ATP2A2: variants seen among roughly 807,000 people sequenced by gnomAD.
The protein encoded by ATP2A2 is ATPase sarcoplasmic/endoplasmic reticulum Ca2+ transporting 2.
A neutral mutation model predicts 109.3 loss-of-function variants in ATP2A2; 14 were observed. The ratio of observed to expected loss-of-function variants is 0.13; its 90% confidence interval spans 0.08 to 0.20. ATP2A2 has a LOEUF of 0.20. Among genes scored for constraint, ATP2A2 ranks in the 10% least tolerant of loss-of-function variants. The pLI is 1.00. For synonymous variants in ATP2A2, 506 were observed against 490.9 expected, an observed-to-expected ratio of 1.03 and a Z score of -0.41; for missense variants, 657 against 1,321.6, an observed-to-expected ratio of 0.50 and a Z score of 7.80.
At chr12:110,343,853 A>G (rs920791061) in intron 16 of ATP2A2, among the ~76,000 whole-genome samples, 1 of 152,194 alleles carries the variant, frequency 6.6e-6, no homozygotes, top group African/African-American at 2.4e-5. Context: ...TATATAAATC[A>G]TCTCTTTAGC....
At chr12:110,315,807 G>A (rs1876600412) in intron 5 of ATP2A2, among the ~76,000 whole-genome samples, 1 of 152,170 alleles carries the variant, frequency 6.6e-6, no homozygotes, top group African/African-American at 2.4e-5. Context: ...CGGCCGCATC[G>A]GCACACGCCT....
chr12:110,341,223 G>A (rs1879323197), intron 14 of ATP2A2, among the ~76,000 whole-genome samples: 1 of 152,022 alleles, frequency 6.6e-6, no homozygotes, highest in Admixed American at 6.5e-5. Context: ...CAGTCCCAGA[G>A]GAACAATCTG....
In ATP2A2 at chr12:110,339,437, G is replaced by C; in HGVS notation, c.1542+34G>C. 1 of 1,614,156 alleles carries C rather than the reference G, an allele frequency of 6.2e-7. No homozygotes were observed. Among genetic ancestry groups the C allele is most frequent in the Non-Finnish European group, 8.5e-7 (1 of 1,180,026 alleles). On this transcript the variant is annotated intron_variant, in intron 12 of 19. Coordinates refer to ENST00000539276, the MANE Select transcript of ATP2A2 (RefSeq NM_170665.4). This position sits in a 1 kb window ranked among gnomAD's most constrained non-coding sequence, Gnocchi z 4.4. ...GGCAGATTGCAATTGAGATGTTCTTGCCAGGGTTAAGATCCCGGTGAACCA... is the reference window on the plus strand; with the variant it reads ...GGCAGATTGCAATTGAGATGTTCTTCCCAGGGTTAAGATCCCGGTGAACCA...
chr12:110,315,969 C>T (rs984990550), intron 5 of ATP2A2, among the ~76,000 whole-genome samples: 22 of 152,222 alleles, frequency 1.4e-4, no homozygotes, highest in Middle Eastern at 6.8e-3. Flanking sequence ...CACCTGTAAT[C>T]CCAGCTACTC....
chr12:110,346,065 A>C lies in ATP2A2; in HGVS notation c.2806A>C (p.Ile936Leu). ...GGAGAACATCTGGCTCGTGGGCTCCATCTGCCTGTCCATGTCACTCCACTT... is the reference window on the plus strand; with the variant it reads ...GGAGAACATCTGGCTCGTGGGCTCCCTCTGCCTGTCCATGTCACTCCACTT... ...PWENIWLVGSICLSMSLHFLI... is the reference protein window; with the variant it reads ...PWENIWLVGSLCLSMSLHFLI... The change falls in exon 19 of 20, where the codon ATC becomes CTC. Residue 936 changes from isoleucine (I) to leucine (L), a missense_variant. Physicochemically the swap from Ile to Leu is conservative, Grantham distance 5. Coordinates refer to ENST00000539276, the MANE Select transcript of ATP2A2 (RefSeq NM_170665.4). 6.2e-7 allele frequency: 1 copy of C among 1,614,154 alleles called. No individual in the cohort carries two copies. The highest frequency in any genetic ancestry group is 8.5e-7 in the Non-Finnish European group (1 of 1,180,018).
chr12:110,309,140 A>ATT (rs10665212), intron 5 of ATP2A2, among the ~76,000 whole-genome samples: 2,137 of 48,968 alleles, frequency 0.044, 413 homozygotes, highest in East Asian at 0.12. Context: ...AAGGAAACTA[A>ATT]TTTTTTTTTT....
chr12:110,310,556 A>T (rs1338037024), intron 5 of ATP2A2, among the ~76,000 whole-genome samples: 1 of 152,236 alleles, frequency 6.6e-6, no homozygotes, highest in African/African-American at 2.4e-5. Flanking sequence ...AGGGTTGATG[A>T]ATAGCACCAG....
intron 8 of ATP2A2, chr12:110,331,594 T>C (rs1026024412): frequency 2.6e-5 from 4 of 152,214 alleles, no homozygotes; most frequent in Non-Finnish European, 5.9e-5. Flanking sequence ...CACCTTGGCC[T>C]CTCAGTGCTG....
chr12:110,332,750 A>T lies in ATP2A2; in HGVS notation c.1184+65A>T, dbSNP rs911809914. 2.9e-6 allele frequency: 4 copies of T among 1,359,594 alleles called. No individual in the cohort carries two copies. In the African/African-American group the frequency reaches 5.7e-5, roughly 19 times the overall value. 84.2% of individuals were successfully genotyped at this position (1,359,594 alleles called of 1,614,324 possible). ...CAGTTTAGTATTTGTATTGATTTGC[A>T]GCATGTCTACAAAGTTAAGACAGCT... On this transcript the variant is annotated intron_variant, in intron 9 of 19. Coordinates refer to ENST00000539276, the MANE Select transcript of ATP2A2 (RefSeq NM_170665.4).
At chr12:110,345,907 G>T (rs1879802565) in intron 18 of ATP2A2, 94 bp from the exon 19 acceptor site, 3 of 1,248,876 alleles carry the variant, frequency 2.4e-6, no homozygotes, top group Non-Finnish European at 3.5e-6. Context: ...ATTAACAGCC[G>T]CCTTACTGAA....
rs563811998 is a variant in ATP2A2 at position 110,281,801 on chromosome 12, G to T, written c.12G>T (p.Ala4=). ...GGGCCCCCGAAGCCATGGAGAACGC[G>T]CACACCAAGACGGTGGAGGAGGTGC... is the stretch of plus-strand genomic sequence containing the variant. MEN[A]HTKTVEEVLG... Residue 4 remains alanine (A), a synonymous_variant, in exon 1 of 20, where the codon GCG becomes GCT. Transcript: ENST00000539276. 2.0e-5 allele frequency: 30 copies of T among 1,524,714 alleles called. No homozygotes were observed. The East Asian group carries it at 7.3e-4, about 37-fold the overall frequency. 94.4% of individuals were successfully genotyped at this position (1,524,714 alleles called of 1,614,324 possible).
chr12:110,313,206 G>A (rs548671528), intron 5 of ATP2A2, among the ~76,000 whole-genome samples: 91 of 151,812 alleles, frequency 6.0e-4, no homozygotes, highest in South Asian at 1.7e-3. Context: ...CCATGATTCA[G>A]TGGTAGTCAC....
At chr12:110,301,494 G>A (rs1330015271) in intron 5 of ATP2A2, among the ~76,000 whole-genome samples, 2 of 152,036 alleles carry the variant, frequency 1.3e-5, no homozygotes, top group Admixed American at 6.6e-5. Flanking sequence ...TGATTTGTCC[G>A]TAAGGCCACT....
At chr12:110,288,404 CT>C (rs796752514) in intron 3 of ATP2A2, among the ~76,000 whole-genome samples, 222 of 144,694 alleles carry the variant, frequency 1.5e-3, no homozygotes, top group Admixed American at 1.7e-3. Context: ...ACAGATAATT[CT>C]TTTTTTTTTT....
intron 6 of ATP2A2, 128 bp from the exon 7 acceptor site, chr12:110,326,262 G>A: frequency 1.2e-6 from 1 of 833,150 alleles, no homozygotes; most frequent in Non-Finnish European, 2.0e-6. Flanking sequence ...AATGAATTGG[G>A]CCTTTTGCCA....
chr12:110,307,756 G>C (rs548908748), intron 5 of ATP2A2, among the ~76,000 whole-genome samples: 55 of 152,024 alleles, frequency 3.6e-4, no homozygotes, highest in African/African-American at 1.3e-3. Context: ...GTCCTTTGTT[G>C]AGTGCATAGT....
intron 16 of ATP2A2, 95 bp from the exon 17 acceptor site, chr12:110,344,791 T>G: frequency 2.4e-6 from 3 of 1,236,730 alleles, no homozygotes; most frequent in Non-Finnish European, 3.6e-6. Context: ...TCCCATGTCT[T>G]TGATCTTCGT....
intron 17 of ATP2A2, 85 bp from the exon 18 acceptor site, chr12:110,345,164 G>T: frequency 6.2e-7 from 1 of 1,602,824 alleles, no homozygotes; most frequent in Non-Finnish European, 8.5e-7. Context: ...ATTCAGGCTG[G>T]TCTGTGCTAG....
At position 110,339,227 on chromosome 12, in the gene ATP2A2, T is replaced by TA. The variant is rs1056604960; in HGVS notation, c.1420-48dup. 2.0e-5 allele frequency: 33 copies of TA among 1,610,424 alleles called. 1 individual carries two copies. The South Asian group carries it at 2.8e-4, about 14-fold the overall frequency. ...ATAGGTGTGCTTACTGCTTGTTAGG[T>TA]AAAAAAGTTCAGAAATTGCCACCCA... On this transcript the variant is annotated intron_variant, in intron 11 of 19. Transcript: ENST00000539276. The surrounding 1 kb of genome is among the most constrained non-coding windows in gnomAD (Gnocchi z 4.4).
Sources: gnomAD v4.1 joint callset for allele counts (sites outside exome capture counted in the v4.1 genomes callset) on GRCh38, gnomAD v4.1.1 for gene constraint, Gnocchi (gnomAD v3.1) non-coding constraint, MANE v1.5 for transcripts, NCBI Gene and HGNC (gene_info 2026-07-23, HGNC 2026-07-21) for gene names.